MINDY4B: variants seen among roughly 807,000 people sequenced by gnomAD.
The protein encoded by MINDY4B is inactive ubiquitin carboxyl-terminal hydrolase MINDY-4B.
MINDY4B carries 25 observed loss-of-function variants against 16.7 expected under a neutral mutation model. The ratio of observed to expected loss-of-function variants is 1.49; its 90% CI spans 1.09 to 2.09. The LOEUF (loss-of-function observed/expected upper bound fraction) is 2.09. Among genes scored for constraint, MINDY4B ranks in the 30% most tolerant of loss-of-function variants. The probability of loss-of-function intolerance (pLI) is 0.00; values close to 1 mark genes in which losing one functional copy is unlikely to be tolerated. For synonymous variants in MINDY4B, 132 were observed against 61.9 expected (o/e 2.13, Z -5.32); for missense variants, 327 against 168.4 (o/e 1.94, Z -5.21).
intron 7 of MINDY4B, among the ~76,000 whole-genome samples, chr3:150,889,767 A>C (rs1473343020): frequency 6.6e-6 from 1 of 152,138 alleles, no homozygotes; most frequent in Non-Finnish European, 1.5e-5. Flanking sequence ...TTCTTTCTAC[A>C]CAGAAGAGTC....
At chr3:150,888,192 C>T (rs911608804) in intron 7 of MINDY4B, among the ~76,000 whole-genome samples, 3 of 152,002 alleles carry the variant, frequency 2.0e-5, no homozygotes, top group South Asian at 2.1e-4. Context: ...TGGTGGTTGC[C>T]GCCATTCCTT....
intron 8 of MINDY4B, among the ~76,000 whole-genome samples, chr3:150,884,831 G>A (rs1386870659): frequency 3.3e-5 from 5 of 151,738 alleles, no homozygotes; most frequent in Non-Finnish European, 7.4e-5. Flanking sequence ...TCCTCCTCTG[G>A]AGCCCACTGA....
chr3:150,895,876 T>C (rs929449212), intron 3 of MINDY4B, among the ~76,000 whole-genome samples: 5 of 152,220 alleles, frequency 3.3e-5, no homozygotes, highest in Non-Finnish European at 7.3e-5. Context: ...TTTGTGCTTC[T>C]TGTATTTTGA....
rs59302082 is a variant in MINDY4B at position 150,882,564 on chromosome 3, GTA to G, written c.1059+331_1059+332del. Among the ~76,000 whole-genome samples, 124 of 148,072 alleles carry G rather than the reference GTA, an allele frequency of 8.4e-4. 3 individuals are homozygous for G. The highest frequency in any genetic ancestry group is 4.1e-3 in the Admixed American group (61 of 14,706). ...TTTTCCTTTGTGTATGTGTATGTGT[GTA>G]TATATATATATATATATATATATAT... On this transcript the variant is annotated intron_variant, in intron 10 of 11. Transcript: ENST00000465419.
At chr3:150,882,843 A>C (rs1711543805) in intron 10 of MINDY4B, 54 bp downstream of exon 10, 1 of 648,020 alleles carries the variant, frequency 1.5e-6, no homozygotes, top group East Asian at 2.9e-5. Flanking sequence ...AGACTTTTAA[A>C]CTGTTAAAAT....
At chr3:150,886,218 C>G (rs538606193) in intron 7 of MINDY4B, among the ~76,000 whole-genome samples, 1 of 152,332 alleles carries the variant, frequency 6.6e-6, no homozygotes, top group South Asian at 2.1e-4. Context: ...CAACACTCTA[C>G]TTGCTGACAA....
chr3:150,890,163 G>A (rs1391287716), intron 7 of MINDY4B, among the ~76,000 whole-genome samples, 157 bp downstream of exon 7: 2 of 152,252 alleles, frequency 1.3e-5, no homozygotes, highest in East Asian at 1.9e-4. Context: ...AGGAGGAAGA[G>A]GCAGATCTTT....
chr3:150,885,611 C>G (rs1002064704), intron 7 of MINDY4B, among the ~76,000 whole-genome samples, 173 bp from the exon 8 acceptor site: 2 of 152,180 alleles, frequency 1.3e-5, no homozygotes, highest in Admixed American at 6.5e-5. Context: ...TGTTCTCTTT[C>G]CCTGCTTCAT....
chr3:150,880,475 GA>G (rs1185142781), intron 10 of MINDY4B, among the ~76,000 whole-genome samples: 2 of 152,156 alleles, frequency 1.3e-5, no homozygotes, highest in South Asian at 2.1e-4. Flanking sequence ...TATGTATTAG[GA>G]AAAAAAATCA....
At chr3:150,872,260 G>T (rs1355670127) in intron 11 of MINDY4B, among the ~76,000 whole-genome samples, 1 of 152,190 alleles carries the variant, frequency 6.6e-6, no homozygotes, top group African/African-American at 2.4e-5. Flanking sequence ...TATTGTCAAT[G>T]TTATACTAAA....
chr3:150,875,859 G>T (rs899951017), intron 10 of MINDY4B, among the ~76,000 whole-genome samples: 7 of 152,248 alleles, frequency 4.6e-5, no homozygotes, highest in Admixed American at 6.5e-5. Context: ...AGTGAGTCCT[G>T]CAAAAAACAA....
At chr3:150,889,840 G>T (rs1003748770) in intron 7 of MINDY4B, among the ~76,000 whole-genome samples, 8 of 152,164 alleles carry the variant, frequency 5.3e-5, no homozygotes, top group Non-Finnish European at 8.8e-5. Context: ...CCACCCTGGG[G>T]GTAGGGAAGA....
chr3:150,886,367 C>T (rs1304864493), intron 7 of MINDY4B, among the ~76,000 whole-genome samples: 2 of 152,342 alleles, frequency 1.3e-5, no homozygotes, highest in South Asian at 2.1e-4. Context: ...TGTGACCTGA[C>T]AGGGGCCAGG....
chr3:150,881,121 G>A (rs554944601), intron 10 of MINDY4B, among the ~76,000 whole-genome samples: 3 of 152,240 alleles, frequency 2.0e-5, no homozygotes, highest in African/African-American at 7.2e-5. Context: ...AGTGGCTCAC[G>A]CCTGTAATCC....
rs1199848198 is a variant in MINDY4B at position 150,882,938 on chromosome 3, G to A, written c.1018C>T (p.Gln340Ter). ...TCTTCCGAGGCATCCTTACCCCACT[G>A]CAAATAGCCAACATCACTGCGGGTC... ...VLTRSDVGYL[Q>*]WGKDASEDDR... Residue 340 changes from glutamine to a stop codon, truncating the protein, a stop_gained, in exon 10 of 12, where the codon CAG becomes TAG. Coordinates refer to ENST00000465419, the MANE Select transcript of MINDY4B (RefSeq NM_001351281.2). LOFTEE classifies it high-confidence loss of function. The A allele has an allele frequency of 7.1e-6, 5 of 702,806 alleles. No homozygotes were observed. The Admixed American group carries it at 8.0e-5, about 11-fold the overall frequency. The allele number at this position is 702,806 out of a possible 1,614,324, so 43.5% of individuals were successfully genotyped here. A position where few individuals can be genotyped will look rare whatever the true frequency, so the allele number is the denominator to read the frequency against.
intron 10 of MINDY4B, among the ~76,000 whole-genome samples, chr3:150,877,658 G>T (rs1323591408): frequency 1.3e-5 from 2 of 152,164 alleles, no homozygotes; most frequent in Non-Finnish European, 1.5e-5. Flanking sequence ...AGGAGGTAAA[G>T]TGGAGGCAGT....
chr3:150,884,872 A>G (rs1261833610), intron 8 of MINDY4B, among the ~76,000 whole-genome samples: 1 of 152,128 alleles, frequency 6.6e-6, no homozygotes, highest in Non-Finnish European at 1.5e-5. Flanking sequence ...CATTTGGCAC[A>G]TCAGATACCT....
chr3:150,873,087 T>C, intron 11 of MINDY4B, 100 bp downstream of exon 11: 1 of 596,528 alleles, frequency 1.7e-6, no homozygotes, highest in South Asian at 2.1e-5. Flanking sequence ...AGCATTTTCC[T>C]GTGGAGCTAG....
chr3:150,887,097 G>C (rs1711642689), intron 7 of MINDY4B, among the ~76,000 whole-genome samples: 1 of 152,042 alleles, frequency 6.6e-6, no homozygotes, highest in Admixed American at 6.6e-5. Flanking sequence ...ACTATACCAG[G>C]AGCACTATTC....
Sources: allele counts gnomAD v4.1 joint callset (sites outside exome capture counted in the v4.1 genomes callset), GRCh38; gene constraint gnomAD v4.1.1; transcripts MANE v1.5; gene names NCBI Gene and HGNC (gene_info 2026-07-23, HGNC 2026-07-21).